Variants in PPT2 observed in about 807,000 individuals in gnomAD.
PPT2 encodes palmitoyl-protein thioesterase 2.
Under a neutral mutation model 37.3 loss-of-function variants are expected in PPT2, and 20 were observed. The observed-to-expected ratio is 0.54, with a 90% confidence interval of 0.38 to 0.78. PPT2 has a LOEUF of 0.78. Among genes scored for constraint, PPT2 ranks in the 30% least tolerant of loss-of-function variants. The pLI is 0.00. For missense variants in PPT2, 270 were observed against 389.8 expected (o/e 0.69, Z 2.59); for synonymous variants, 135 against 159.1 (o/e 0.85, Z 1.14).
In PPT2 at chr6:32,156,082, T is replaced by C; in HGVS notation, c.541+104T>C. 1.1e-6 allele frequency: 1 copy of C among 949,550 alleles called. No individual in the cohort carries two copies. Among genetic ancestry groups the C allele is most frequent in the Non-Finnish European group, 1.6e-6 (1 of 609,454 alleles). 58.8% of individuals were successfully genotyped at this position (949,550 alleles called of 1,614,324 possible). A position where few individuals can be genotyped will look rare whatever the true frequency, so the allele number is the denominator to read the frequency against. Reference sequence around the variant, plus strand: ...GACAATAAAGATAACTTACATTTATTGAGTTATTTGAACAGGCTCTGTTCA... The same window carrying C: ...GACAATAAAGATAACTTACATTTATCGAGTTATTTGAACAGGCTCTGTTCA... On this transcript the variant is annotated intron_variant, in intron 5 of 8. Coordinates refer to ENST00000324816, the MANE Select transcript of PPT2 (RefSeq NM_005155.7). The surrounding 1 kb of genome is among the most constrained non-coding windows in gnomAD (Gnocchi z 4.9).
At chr6:32,153,924 A>C (rs1783532364), upstream of PPT2, 9 of 1,367,456 alleles carry the variant, frequency 6.6e-6, no homozygotes, top group South Asian at 1.7e-5. This position sits in a 1 kb window ranked among gnomAD's most constrained non-coding sequence, Gnocchi z 4.4. Flanking sequence ...CCTTCTTTCC[A>C]TTCCCAGAAT....
intron 7 of PPT2, among the ~76,000 whole-genome samples, chr6:32,160,165 C>T (rs1270096875): frequency 1.3e-5 from 2 of 151,482 alleles, no homozygotes; most frequent in Non-Finnish European, 2.9e-5. Flanking sequence ...CTGCCTCAGC[C>T]TCCTGAGTCG....
chr6:32,155,253 CTAGCG>C lies in PPT2; in HGVS notation c.337+72_337+76del. The C allele has an allele frequency of 3.2e-6, 5 of 1,546,332 alleles. No individual in the cohort carries two copies. Among genetic ancestry groups the C allele is most frequent in the Non-Finnish European group, 4.4e-6 (5 of 1,126,430 alleles). ...TTGATCCTTATCTGAGGGACACTTCCTAGCGTCCCTTTTTCTGAACCACATTGCTC... is the reference window on the plus strand; with the variant it reads ...TTGATCCTTATCTGAGGGACACTTCCTCCCTTTTTCTGAACCACATTGCTC... On this transcript the variant is annotated intron_variant, in intron 3 of 8. Transcript: ENST00000324816. This position sits in a 1 kb window ranked among gnomAD's most constrained non-coding sequence, Gnocchi z 4.3.
At chr6:32,159,861 C>T (rs1233365439) in intron 7 of PPT2, among the ~76,000 whole-genome samples, 1 of 151,572 alleles carries the variant, frequency 6.6e-6, no homozygotes, top group Non-Finnish European at 1.5e-5. Flanking sequence ...GCTGGGACTA[C>T]AGGTGCCCAC....
intron 7 of PPT2, among the ~76,000 whole-genome samples, chr6:32,159,877 T>C (rs889772273): frequency 6.6e-6 from 1 of 150,802 alleles, no homozygotes; most frequent in Non-Finnish European, 1.5e-5. Context: ...CCCACCACCA[T>C]GCCTGGCTAA....
At chr6:32,157,596 T>C (rs1193054115) in intron 5 of PPT2, 41 bp from the exon 6 acceptor site, 1 of 1,505,438 alleles carries the variant, frequency 6.6e-7, no homozygotes, top group Non-Finnish European at 9.2e-7. Context: ...CAGTCTTGCC[T>C]CCCTTTTCTG....
Position 32,155,257 on chromosome 6 carries a change from C to G in PPT2, c.337+74C>G. ...TCCTTATCTGAGGGACACTTCCTAG[C>G]GTCCCTTTTTCTGAACCACATTGCT... On this transcript the variant is annotated intron_variant, in intron 3 of 8. Coordinates refer to ENST00000324816, the MANE Select transcript of PPT2 (RefSeq NM_005155.7). This position sits in a 1 kb window ranked among gnomAD's most constrained non-coding sequence, Gnocchi z 4.3. 6.5e-7 allele frequency: 1 copy of G among 1,538,450 alleles called. No individual in the cohort carries two copies. The highest frequency in any genetic ancestry group is 8.9e-7 in the Non-Finnish European group (1 of 1,120,838).
chr6:32,155,443 C>T lies in PPT2; in HGVS notation c.338-245C>T, dbSNP rs1177169797. 1.3e-5 allele frequency among the ~76,000 whole-genome samples: 2 copies of T among 152,212 alleles called. No homozygotes were observed. The highest frequency in any genetic ancestry group is 2.9e-5 in the Non-Finnish European group (2 of 68,040). On this transcript the variant is annotated intron_variant, in intron 3 of 8. Transcript: ENST00000324816. This position sits in a 1 kb window ranked among gnomAD's most constrained non-coding sequence, Gnocchi z 4.3. Reference sequence around the variant, plus strand: ...TAAGGGCTAATGGGGCAGGTAAAAACATCCTAGAACTAGAGGCAGGAGGCC... The same window carrying T: ...TAAGGGCTAATGGGGCAGGTAAAAATATCCTAGAACTAGAGGCAGGAGGCC...
At chr6:32,158,839 C>A (rs1052954035) in intron 7 of PPT2, among the ~76,000 whole-genome samples, 1 of 151,974 alleles carries the variant, frequency 6.6e-6, no homozygotes, top group Admixed American at 6.6e-5. Context: ...CCCTGAAGCA[C>A]GTGTGAGCAA....
chr6:32,156,325 C>T lies in PPT2; in HGVS notation c.541+347C>T, dbSNP rs748955360. On this transcript the variant is annotated intron_variant, in intron 5 of 8. Transcript: ENST00000324816. This position sits in a 1 kb window ranked among gnomAD's most constrained non-coding sequence, Gnocchi z 4.9. ...TTCGCCATGTTGGCCAGGCTGGTCT[C>T]GAACTCCTGACCTCAGGTGATCCAC... Among the ~76,000 whole-genome samples the T allele has an allele frequency of 3.9e-5, 6 of 152,034 alleles. No individual in the cohort carries two copies. Among genetic ancestry groups the T allele is most frequent in the East Asian group, 1.9e-4 (1 of 5,176 alleles).
At position 32,155,015 on chromosome 6, in the gene PPT2, G is replaced by A. The variant is rs745362211; in HGVS notation, c.184-15G>A. ...TTAGCCTATCCCCGGTGGCTGCATT[G>A]CCCCCTTCCCACAGACACACCCCGG... On this transcript the variant is annotated splice_polypyrimidine_tract_variant and intron_variant, in intron 2 of 8. Transcript: ENST00000324816. The surrounding 1 kb of genome is among the most constrained non-coding windows in gnomAD (Gnocchi z 4.3). The A allele has an allele frequency of 6.2e-7, 1 of 1,612,252 alleles. No individual in the cohort carries two copies. Among genetic ancestry groups the A allele is most frequent in the Admixed American group, 1.7e-5 (1 of 60,020 alleles).
chr6:32,160,525 T>A (rs541751727), intron 7 of PPT2, among the ~76,000 whole-genome samples: 4 of 151,176 alleles, frequency 2.6e-5, no homozygotes, highest in Non-Finnish European at 5.9e-5. Flanking sequence ...CAAAAATTAG[T>A]GGGCCTGGTG....
At chr6:32,153,725 C>A, upstream of PPT2, 1 of 1,468,442 alleles carries the variant, frequency 6.8e-7, no homozygotes, top group Non-Finnish European at 9.2e-7. The surrounding 1 kb of genome is among the most constrained non-coding windows in gnomAD (Gnocchi z 4.4). Context: ...TCCAGGCCAC[C>A]CTGCCACTCA....
chr6:32,154,662 T>C lies in PPT2; in HGVS notation c.68T>C (p.Leu23Pro), dbSNP rs945364426. Residue 23 changes from leucine (L) to proline (P), a missense_variant, in exon 2 of 9, where the codon CTG becomes CCG. Physicochemically the swap from Leu to Pro is moderately conservative, Grantham distance 98. Transcript: ENST00000324816. The surrounding 1 kb of genome is among the most constrained non-coding windows in gnomAD (Gnocchi z 7.3). ...WVLLLLPFLPLLLLAAPAPHR... is the reference protein window; with the variant it reads ...WVLLLLPFLPPLLLAAPAPHR... The stretch of plus-strand genomic sequence containing the variant: ...CTGCTTCTGTTGCCTTTCCTGCCGC[T>C]GCTGCTGCTTGCAGCCCCCGCGCCC... 1 of 1,610,940 alleles carries C rather than the reference T, an allele frequency of 6.2e-7. No individual in the cohort carries two copies.
upstream of PPT2, chr6:32,153,939 T>C: frequency 1.5e-6 from 2 of 1,370,662 alleles, no homozygotes; most frequent in African/African-American, 1.5e-5. This position sits in a 1 kb window ranked among gnomAD's most constrained non-coding sequence, Gnocchi z 4.4. Flanking sequence ...CAGAATATGT[T>C]TGCTGCTTTT....
chr6:32,158,454 CTGTGTTATAGGTCACCATG>C (rs1262613300), intron 7 of PPT2: 1 of 153,094 alleles, frequency 6.5e-6, no homozygotes, highest in African/African-American at 2.4e-5. Flanking sequence ...ATGTGCTTGC[CTGTGTTATAGGTCACCATG>C]TGTGATCTGT....
At position 32,162,698 on chromosome 6, in the gene PPT2, C is replaced by A; in HGVS notation, c.765+76C>A. On this transcript the variant is annotated intron_variant, in intron 8 of 8. Coordinates refer to ENST00000324816, the MANE Select transcript of PPT2 (RefSeq NM_005155.7). The surrounding 1 kb of genome is among the most constrained non-coding windows in gnomAD (Gnocchi z 5.5). ...CAGAGCCCTCTCTGTGACTCCTGAG[C>A]TGAAGGGTTCACCCTGTGGGGAGGA... is the stretch of plus-strand genomic sequence containing the variant. 3.8e-6 allele frequency: 6 copies of A among 1,573,148 alleles called. No homozygotes were observed. The Admixed American group carries it at 8.3e-5, about 22-fold the overall frequency.
Position 32,156,044 on chromosome 6 carries a change from C to A in PPT2, c.541+66C>A. ...CAGTTGCTTCCACCTCTGCTACAAC[C>A]AATAGCAGTGATGACAATAAAGATA... is the stretch of plus-strand genomic sequence containing the variant. On this transcript the variant is annotated intron_variant, in intron 5 of 8. Transcript: ENST00000324816. The surrounding 1 kb of genome is among the most constrained non-coding windows in gnomAD (Gnocchi z 4.9). The A allele has an allele frequency of 2.7e-6, 3 of 1,125,086 alleles. No individual in the cohort carries two copies. The highest frequency in any genetic ancestry group is 4.1e-6 in the Non-Finnish European group (3 of 738,248). The allele number at this position is 1,125,086 out of a possible 1,614,324, so 69.7% of individuals were successfully genotyped here.
At position 32,155,922 on chromosome 6, in the gene PPT2, A is replaced by T; in HGVS notation, c.485A>T (p.Tyr162Phe). The change falls in exon 5 of 9, where the codon TAT becomes TTT. Residue 162 changes from tyrosine to phenylalanine, a missense_variant. Physicochemically the swap from Tyr to Phe is conservative, Grantham distance 22. Coordinates refer to ENST00000324816, the MANE Select transcript of PPT2 (RefSeq NM_005155.7). The surrounding 1 kb of genome is among the most constrained non-coding windows in gnomAD (Gnocchi z 4.3). ...CCCACCTCCATGCGGTCTAACCTCTATCGGATCTGCTATAGCCCCTGGGGC... is the reference window on the plus strand; with the variant it reads ...CCCACCTCCATGCGGTCTAACCTCTTTCGGATCTGCTATAGCCCCTGGGGC... Reference protein sequence around the residue: ...LFPTSMRSNLYRICYSPWGQE... With the variant: ...LFPTSMRSNLFRICYSPWGQE... 1.2e-6 allele frequency: 2 copies of T among 1,614,088 alleles called. No homozygotes were observed. Among genetic ancestry groups the T allele is most frequent in the Non-Finnish European group, 1.7e-6 (2 of 1,180,004 alleles).
Sources: gnomAD v4.1 joint callset for allele counts (sites outside exome capture counted in the v4.1 genomes callset) on GRCh38, gnomAD v4.1.1 for gene constraint, Gnocchi (gnomAD v3.1) non-coding constraint, MANE v1.5 for transcripts, NCBI Gene and HGNC (gene_info 2026-07-23, HGNC 2026-07-21) for gene names.